Variants in PLCL2 observed in about 807,000 individuals in gnomAD.
PLCL2 encodes the protein phospholipase C like 2, also known as inactive phospholipase C-like protein 2.
A neutral mutation model predicts 79.6 loss-of-function variants in PLCL2; 4 were observed. The observed-to-expected ratio is 0.05, with a 90% CI of 0.02 to 0.11. The LOEUF (loss-of-function observed/expected upper bound fraction) is 0.11, where lower values mean the gene tolerates loss of function less well. Ranked by LOEUF, PLCL2 falls within the 10% of genes least tolerant of loss-of-function variation. The pLI, the probability that PLCL2 is intolerant of heterozygous loss-of-function variation, is 1.00. For synonymous variants in PLCL2, 484 were observed against 457.7 expected (o/e 1.06, Z -0.73); for missense variants, 895 against 1,291.0 (o/e 0.69, Z 4.70).
At chr3:17,087,075 G>C (rs1449615867) in intron 5 of PLCL2, among the ~76,000 whole-genome samples, 1 of 152,158 alleles carries the variant, frequency 6.6e-6, no homozygotes. Context: ...CAGACAATTT[G>C]GAAGAAACTG....
chr3:16,891,093 G>T (rs962779700), intron 1 of PLCL2, among the ~76,000 whole-genome samples: 1 of 152,156 alleles, frequency 6.6e-6, no homozygotes, highest in African/African-American at 2.4e-5. Context: ...TCCTGTGGTC[G>T]AGGGCTGCCC....
chr3:16,913,393 T>A (rs1403895970), intron 1 of PLCL2, among the ~76,000 whole-genome samples: 1 of 151,392 alleles, frequency 6.6e-6, no homozygotes, highest in Non-Finnish European at 1.5e-5. Flanking sequence ...GTGGGTTTAC[T>A]AATTTTCATT....
At chr3:17,008,106 T>C (rs1040553069) in intron 1 of PLCL2, among the ~76,000 whole-genome samples, 7 of 152,176 alleles carry the variant, frequency 4.6e-5, no homozygotes, top group African/African-American at 1.7e-4. Flanking sequence ...TGCTAACTTC[T>C]TTAGAAATAA....
chr3:16,982,037 T>G (rs1390934501), intron 1 of PLCL2, among the ~76,000 whole-genome samples: 1 of 152,218 alleles, frequency 6.6e-6, no homozygotes, highest in Non-Finnish European at 1.5e-5. Flanking sequence ...AAATACGTTT[T>G]CTGGTTAATA....
At chr3:17,071,994 T>G (rs1351857126) in intron 5 of PLCL2, among the ~76,000 whole-genome samples, 1 of 152,070 alleles carries the variant, frequency 6.6e-6, no homozygotes, top group Non-Finnish European at 1.5e-5. Flanking sequence ...GCCCAGCTAA[T>G]TTTTGTATGT....
At chr3:16,923,735 A>G (rs140615099) in intron 1 of PLCL2, among the ~76,000 whole-genome samples, 13 of 151,982 alleles carry the variant, frequency 8.6e-5, no homozygotes, top group Non-Finnish European at 1.5e-4. Flanking sequence ...TCATTGTGGA[A>G]CTCCTATTAT....
At chr3:17,026,264 A>G (rs1451796195) in intron 3 of PLCL2, among the ~76,000 whole-genome samples, 1 of 152,204 alleles carries the variant, frequency 6.6e-6, no homozygotes, top group Non-Finnish European at 1.5e-5. Flanking sequence ...AGACAACATG[A>G]TGTGTTAAGA....
At chr3:16,997,006 T>A in intron 1 of PLCL2, among the ~76,000 whole-genome samples, 1 of 152,210 alleles carries the variant, frequency 6.6e-6, no homozygotes, top group Non-Finnish European at 1.5e-5. Flanking sequence ...AGTTATATGA[T>A]CTGTCACCCC....
In PLCL2 at chr3:17,010,717, A is replaced by T. The variant is rs762057790; in HGVS notation, c.1371A>T (p.Thr457=). The change falls in exon 2 of 6, where the codon ACA becomes ACT. Residue 457 remains threonine, a synonymous_variant. Coordinates refer to ENST00000615277, the MANE Select transcript of PLCL2 (RefSeq NM_001144382.2). The surrounding 1 kb of genome is among the most constrained non-coding windows in gnomAD (Gnocchi z 5.8). ...AGTTCCGAGGTCCCTCCGACATCAC[A>T]GGATATATTCGAGCTCTTAAAATGG... ...EDQFRGPSDI[T]GYIRALKMGC... The T allele has an allele frequency of 1.2e-6, 2 of 1,614,086 alleles. No homozygotes were observed. The highest frequency in any genetic ancestry group is 2.7e-5 in the African/African-American group (2 of 74,942).
At chr3:16,915,666 T>C (rs1696976834) in intron 1 of PLCL2, among the ~76,000 whole-genome samples, 1 of 152,232 alleles carries the variant, frequency 6.6e-6, no homozygotes, top group Admixed American at 6.5e-5. Flanking sequence ...TTCTCATTGA[T>C]TTATTCTGTT....
At chr3:16,957,192 T>C (rs2063714106) in intron 1 of PLCL2, among the ~76,000 whole-genome samples, 1 of 152,194 alleles carries the variant, frequency 6.6e-6, no homozygotes, top group Non-Finnish European at 1.5e-5. Context: ...CTCTACACAC[T>C]GCTTTGAATG....
chr3:17,039,081 C>T (rs78407337), intron 3 of PLCL2, among the ~76,000 whole-genome samples: 1 of 152,208 alleles, frequency 6.6e-6, no homozygotes, highest in African/African-American at 2.4e-5. Flanking sequence ...AAATAGAAAG[C>T]ACCAAGTACA....
At position 16,972,184 on chromosome 3, in the gene PLCL2, A is replaced by G. The variant is rs556023171; in HGVS notation, c.328-37490A>G. Among the ~76,000 whole-genome samples the G allele has an allele frequency of 2.0e-3, 300 of 152,276 alleles. 1 individual carries two copies. The highest frequency in any genetic ancestry group is 3.4e-3 in the Middle Eastern group (1 of 294). Reference sequence around the variant, plus strand: ...AGTGTTGGAAGTTCTGGCCAGGGCAATTAGGCAGGAGAAGGAAATAAAGGG... The same window carrying G: ...AGTGTTGGAAGTTCTGGCCAGGGCAGTTAGGCAGGAGAAGGAAATAAAGGG... On this transcript the variant is annotated intron_variant, in intron 1 of 5. Transcript: ENST00000615277.
At chr3:17,001,509 C>A (rs935877285) in intron 1 of PLCL2, among the ~76,000 whole-genome samples, 1 of 152,074 alleles carries the variant, frequency 6.6e-6, no homozygotes, top group African/African-American at 2.4e-5. Context: ...AGTCTTTAAT[C>A]CATTTTGATT....
intron 1 of PLCL2, among the ~76,000 whole-genome samples, chr3:16,996,748 G>GGCCAT (rs2064157759): frequency 6.6e-6 from 1 of 152,058 alleles, no homozygotes; most frequent in Admixed American, 6.5e-5. Context: ...GTGGCCGTTT[G>GGCCAT]GTAGGCAGTG....
intron 1 of PLCL2, among the ~76,000 whole-genome samples, chr3:16,929,082 C>A (rs76644764): frequency 1 from 112,848 of 112,850 alleles, 56,423 homozygotes; most frequent in Non-Finnish European, 1. Context: ...ACACCACAGC[C>A]GCAGCATAGA....
intron 5 of PLCL2, among the ~76,000 whole-genome samples, chr3:17,086,428 T>G (rs980355820): frequency 1.3e-5 from 2 of 152,162 alleles, no homozygotes; most frequent in African/African-American, 4.8e-5. Flanking sequence ...TTCACAAGAA[T>G]TAACTCAAAA....
intron 1 of PLCL2, among the ~76,000 whole-genome samples, chr3:16,963,509 A>G (rs1326794196): frequency 6.6e-6 from 1 of 152,180 alleles, no homozygotes; most frequent in Non-Finnish European, 1.5e-5. Context: ...TTCTGATCCT[A>G]TGCCAGCAAA....
intron 1 of PLCL2, among the ~76,000 whole-genome samples, chr3:16,941,337 T>C (rs1697678684): frequency 6.6e-6 from 1 of 152,198 alleles, no homozygotes; most frequent in Non-Finnish European, 1.5e-5. Flanking sequence ...TTTTGGCTCT[T>C]TTTAAACTAA....
Sources: allele counts gnomAD v4.1 joint callset (sites outside exome capture counted in the v4.1 genomes callset), GRCh38; gene constraint gnomAD v4.1.1; non-coding constraint Gnocchi (gnomAD v3.1); transcripts MANE v1.5; gene names NCBI Gene and HGNC (gene_info 2026-07-23, HGNC 2026-07-21).